The following DAB1 variants were observed in gnomAD, a reference collection of about 807,000 sequenced individuals.
DAB1 encodes the protein disabled homolog 1.
A neutral mutation model predicts 64.6 loss-of-function variants in DAB1; 15 were observed. That is an observed-to-expected ratio of 0.23 (90% CI 0.16 to 0.36). The LOEUF is 0.36. Ranked by LOEUF, DAB1 falls within the 10% of genes least tolerant of loss-of-function variation. DAB1 has a pLI of 1.00. For synonymous variants in DAB1, 235 were observed against 251.9 expected (o/e 0.93, Z 0.64); for missense variants, 596 against 706.7 (o/e 0.84, Z 1.78).
chr1:58,386,785 C>T (rs150996514), intron 3 of DAB1, among the ~76,000 whole-genome samples: 6 of 152,264 alleles, frequency 3.9e-5, no homozygotes, highest in Non-Finnish European at 5.9e-5. Context: ...GAGAGCCAGG[C>T]GCAGTAGCTC....
intron 6 of DAB1, among the ~76,000 whole-genome samples, chr1:57,740,832 T>C (rs1015349647): frequency 2.0e-5 from 3 of 152,176 alleles, no homozygotes; most frequent in South Asian, 2.1e-4. Flanking sequence ...TTTGTGTGGA[T>C]TTTATGTGCA....
intron 5 of DAB1, among the ~76,000 whole-genome samples, chr1:57,952,525 G>C (rs1196967584): frequency 1.3e-5 from 2 of 152,104 alleles, no homozygotes; most frequent in East Asian, 3.9e-4. Context: ...GGACAGAAAA[G>C]GAATGGGTCT....
intron 6 of DAB1, among the ~76,000 whole-genome samples, chr1:57,670,374 G>C (rs897897761): frequency 4.6e-5 from 7 of 152,082 alleles, no homozygotes; most frequent in Non-Finnish European, 1.0e-4. Context: ...CTATGGAGCA[G>C]AGCCACCATC....
At chr1:58,222,644 T>C (rs917884031) in intron 4 of DAB1, among the ~76,000 whole-genome samples, 1 of 152,210 alleles carries the variant, frequency 6.6e-6, no homozygotes, top group African/African-American at 2.4e-5. Flanking sequence ...GTGACTTGCC[T>C]AAGGTCACAC....
At chr1:57,168,784 AGTG>A (rs1661447880) in intron 2 of DAB1, among the ~76,000 whole-genome samples, 1 of 152,172 alleles carries the variant, frequency 6.6e-6, no homozygotes, top group Non-Finnish European at 1.5e-5. Context: ...AGCTGGGTGC[AGTG>A]ATTCACACCT....
intron 5 of DAB1, among the ~76,000 whole-genome samples, chr1:58,041,907 G>A (rs1311555664): frequency 6.6e-6 from 1 of 152,222 alleles, no homozygotes; most frequent in Non-Finnish European, 1.5e-5. Context: ...TGCTAAGAAA[G>A]GGCTTATCCC....
intron 7 of DAB1, among the ~76,000 whole-genome samples, chr1:57,600,577 C>T (rs1386412620): frequency 6.6e-6 from 1 of 152,086 alleles, no homozygotes; most frequent in African/African-American, 2.4e-5. Context: ...CCTGGGGGGT[C>T]GGGATGGGTT....
At chr1:58,349,919 C>A (rs987942954) in intron 3 of DAB1, among the ~76,000 whole-genome samples, 5 of 152,112 alleles carry the variant, frequency 3.3e-5, no homozygotes, top group African/African-American at 1.2e-4. Flanking sequence ...AATAAACACA[C>A]GTGTGCATAT....
chr1:58,048,302 C>G (rs1460045761), intron 5 of DAB1: 4 of 1,232,602 alleles, frequency 3.2e-6, no homozygotes, highest in South Asian at 2.4e-5. Context: ...TCCAAAATCT[C>G]CCCCCTTCAT....
intron 5 of DAB1, among the ~76,000 whole-genome samples, chr1:57,928,788 T>C (rs1644914982): frequency 6.6e-6 from 1 of 152,222 alleles, no homozygotes; most frequent in Non-Finnish European, 1.5e-5. Context: ...TAAGAGCTCA[T>C]TTTTGTTAAC....
At chr1:57,695,447 G>C (rs4912171) in intron 6 of DAB1, among the ~76,000 whole-genome samples, 105,264 of 145,472 alleles carry the variant, frequency 0.72, 39,157 homozygotes, top group East Asian at 0.93. Flanking sequence ...AAGAAGAAAA[G>C]AGCCAATTAA....
At chr1:57,445,831 G>A (rs1570527223) in intron 7 of DAB1, among the ~76,000 whole-genome samples, 1 of 152,226 alleles carries the variant, frequency 6.6e-6, no homozygotes, top group South Asian at 2.1e-4. Flanking sequence ...CTTAATTTCT[G>A]ACTTAGGGAT....
At chr1:57,363,892 C>T (rs1271415316) in intron 1 of DAB1, among the ~76,000 whole-genome samples, 1 of 152,152 alleles carries the variant, frequency 6.6e-6, no homozygotes, top group African/African-American at 2.4e-5. Flanking sequence ...ACAGAATCAC[C>T]CCATCCTATA....
intron 5 of DAB1, among the ~76,000 whole-genome samples, chr1:57,964,185 C>T (rs78449435): frequency 1.4e-3 from 220 of 152,234 alleles, no homozygotes; most frequent in African/African-American, 4.8e-3. Flanking sequence ...TCTCTTGCCC[C>T]GCAGGGTCTG....
At chr1:58,139,585 C>T (rs1238564856) in intron 5 of DAB1, among the ~76,000 whole-genome samples, 3 of 151,968 alleles carry the variant, frequency 2.0e-5, no homozygotes, top group Non-Finnish European at 2.9e-5. Context: ...CACCAGGATC[C>T]TCCCATGACA....
At chr1:57,523,599 A>G (rs1199454956) in intron 7 of DAB1, among the ~76,000 whole-genome samples, 2 of 152,198 alleles carry the variant, frequency 1.3e-5, no homozygotes, top group South Asian at 2.1e-4. Flanking sequence ...TATCACATGC[A>G]TGGATGAAAA....
chr1:57,501,940 A>G (rs1171703993), intron 7 of DAB1, among the ~76,000 whole-genome samples: 1 of 152,190 alleles, frequency 6.6e-6, no homozygotes, highest in Admixed American at 6.5e-5. Context: ...AGAAAAGATC[A>G]TCGCCTATAT....
chr1:58,183,168 T>C (rs770910802), intron 4 of DAB1, among the ~76,000 whole-genome samples: 7 of 152,032 alleles, frequency 4.6e-5, no homozygotes, highest in Non-Finnish European at 8.8e-5. Flanking sequence ...TACTTAAACA[T>C]CTTGATTCAG....
At chr1:57,051,469 G>A (rs1649181228) in intron 9 of DAB1, among the ~76,000 whole-genome samples, 3 of 152,216 alleles carry the variant, frequency 2.0e-5, no homozygotes, top group Admixed American at 2.0e-4. Flanking sequence ...GTAGGGAACA[G>A]TTGTCCAGAG....
Sources: allele counts gnomAD v4.1 joint callset (sites outside exome capture counted in the v4.1 genomes callset), GRCh38; gene constraint gnomAD v4.1.1; transcripts MANE v1.5; gene names NCBI Gene and HGNC (gene_info 2026-07-23, HGNC 2026-07-21).